Variants in LPP observed in about 807,000 individuals in gnomAD.
LPP encodes the protein LIM domain containing preferred translocation partner in lipoma, also known as lipoma-preferred partner.
LPP carries 38 observed loss-of-function variants against 60.4 expected under a neutral mutation model. That is an observed-to-expected ratio of 0.63 (90% CI 0.49 to 0.83). The LOEUF (loss-of-function observed/expected upper bound fraction) is 0.83, where lower values mean the gene tolerates loss of function less well. Ranked by LOEUF, LPP falls within the 40% of genes least tolerant of loss-of-function variation. LPP has a pLI of 0.00. For missense variants in LPP, 902 were observed against 783.6 expected (o/e 1.15, Z -1.80); for synonymous variants, 328 against 290.8 (o/e 1.13, Z -1.30).
chr3:188,781,339 A>G (rs1469100014), intron 9 of LPP, among the ~76,000 whole-genome samples: 1 of 152,176 alleles, frequency 6.6e-6, no homozygotes, highest in Admixed American at 6.5e-5. Context: ...TACTTTTGTC[A>G]AGGACTGGGA....
chr3:188,810,856 T>C, intron 9 of LPP, among the ~76,000 whole-genome samples: 1 of 152,132 alleles, frequency 6.6e-6, no homozygotes, highest in East Asian at 1.9e-4. Context: ...GAAGCCATAA[T>C]TATTTTCAAT....
At chr3:188,239,872 T>C (rs1723279089) in intron 2 of LPP, 1 of 210,806 alleles carries the variant, frequency 4.7e-6, no homozygotes, top group Non-Finnish European at 9.6e-6. Flanking sequence ...TGGATGGGTA[T>C]TTGCTTTCAT....
chr3:188,460,977 G>A (rs1426258), intron 4 of LPP, among the ~76,000 whole-genome samples: 151,337 of 152,286 alleles, frequency 0.99, 75,205 homozygotes, highest in Middle Eastern at 1. Context: ...GGGAGGAACT[G>A]TTGAAAGAGA....
chr3:188,574,222 A>G (rs973033052), intron 6 of LPP, among the ~76,000 whole-genome samples: 2 of 152,156 alleles, frequency 1.3e-5, no homozygotes, highest in African/African-American at 2.4e-5. Context: ...AAAAACGTAT[A>G]TAATAACCGT....
intron 1 of LPP, among the ~76,000 whole-genome samples, chr3:188,154,528 A>C (rs1287550037): frequency 6.6e-6 from 1 of 151,940 alleles, no homozygotes; most frequent in African/African-American, 2.4e-5. Flanking sequence ...CTGGGCGCCC[A>C]GGGGGCGGGG....
intron 2 of LPP, among the ~76,000 whole-genome samples, chr3:188,237,304 A>G (rs542346131): frequency 6.6e-6 from 1 of 152,282 alleles, no homozygotes; most frequent in South Asian, 2.1e-4. Context: ...TGAACCACTC[A>G]AAGTCACCCA....
intron 1 of LPP, among the ~76,000 whole-genome samples, chr3:188,169,829 C>T (rs1721038922): frequency 1.3e-5 from 2 of 152,298 alleles, no homozygotes; most frequent in African/African-American, 4.8e-5. Flanking sequence ...GACATTCACC[C>T]TAGTAACTAT....
intron 8 of LPP, among the ~76,000 whole-genome samples, chr3:188,731,706 T>C (rs932119128): frequency 6.6e-6 from 1 of 151,936 alleles, no homozygotes; most frequent in East Asian, 1.9e-4. Flanking sequence ...GTATTTTCAG[T>C]AGAGACAGGG....
chr3:188,252,073 T>TACACACAC (rs1491568510), intron 2 of LPP, among the ~76,000 whole-genome samples: 11 of 80,410 alleles, frequency 1.4e-4, no homozygotes, highest in African/African-American at 5.2e-4. Context: ...TATATATATA[T>TACACACAC]ATACACACAC....
intron 5 of LPP, among the ~76,000 whole-genome samples, chr3:188,520,288 C>T (rs1055883920): frequency 1.3e-5 from 2 of 152,218 alleles, no homozygotes; most frequent in African/African-American, 4.8e-5. Context: ...CACCTCGCAT[C>T]TTCCCCTCCC....
chr3:188,698,440 GA>G (rs1216394731), intron 7 of LPP, among the ~76,000 whole-genome samples: 1 of 151,932 alleles, frequency 6.6e-6, no homozygotes, highest in Non-Finnish European at 1.5e-5. Flanking sequence ...TAACATTGTG[GA>G]AATAGGTTCT....
chr3:188,678,916 C>T (rs1472188551), intron 7 of LPP, among the ~76,000 whole-genome samples: 1 of 152,214 alleles, frequency 6.6e-6, no homozygotes, highest in East Asian at 1.9e-4. Context: ...AGAACTGTCT[C>T]CTCACTTGAA....
chr3:188,363,160 TTAAG>T (rs1479021527), intron 3 of LPP, among the ~76,000 whole-genome samples: 10 of 152,278 alleles, frequency 6.6e-5, no homozygotes, highest in Middle Eastern at 3.4e-3. Flanking sequence ...CATCTGAGAA[TTAAG>T]TGTCATTAAG....
intron 9 of LPP, among the ~76,000 whole-genome samples, chr3:188,804,796 A>G (rs1432167738): frequency 6.6e-6 from 1 of 152,020 alleles, no homozygotes; most frequent in African/African-American, 2.4e-5. Context: ...GAAAACATTG[A>G]GTCTTTTGCC....
At chr3:188,566,272 A>G (rs912153621) in intron 6 of LPP, among the ~76,000 whole-genome samples, 1 of 151,960 alleles carries the variant, frequency 6.6e-6, no homozygotes, top group Non-Finnish European at 1.5e-5. Flanking sequence ...CTGGAATATC[A>G]TATCTTGACT....
chr3:188,775,325 A>G (rs1437413739), intron 9 of LPP, among the ~76,000 whole-genome samples: 1 of 152,192 alleles, frequency 6.6e-6, no homozygotes. Flanking sequence ...TGCTGGGATT[A>G]CAGGTGTGAG....
chr3:188,763,291 A>T lies in LPP; in HGVS notation c.1410+3009A>T, dbSNP rs182547397. Among the ~76,000 whole-genome samples, 15 of 151,714 alleles carry T rather than the reference A, an allele frequency of 9.9e-5. No homozygotes were observed. In the East Asian group the frequency reaches 2.9e-3, roughly 29 times the overall value. On this transcript the variant is annotated intron_variant, in intron 9 of 11. Coordinates refer to ENST00000617246, the MANE Select transcript of LPP (RefSeq NM_001375462.1). ...AATTGATGGAATGAGAATATTCAAG[A>T]TAGTGGCTTAATTATTTTTGTATAA...
intron 4 of LPP, among the ~76,000 whole-genome samples, chr3:188,422,708 A>C (rs1454773689): frequency 6.6e-6 from 1 of 152,164 alleles, no homozygotes; most frequent in African/African-American, 2.4e-5. Context: ...CGATCTCTGG[A>C]ATCTCAAATG....
chr3:188,635,156 G>A (rs935290349), intron 7 of LPP, among the ~76,000 whole-genome samples: 7 of 152,130 alleles, frequency 4.6e-5, no homozygotes, highest in Non-Finnish European at 1.0e-4. Context: ...TGTATTTTGT[G>A]TTTGATATTA....
Sources: allele counts gnomAD v4.1 joint callset (sites outside exome capture counted in the v4.1 genomes callset), GRCh38; gene constraint gnomAD v4.1.1; transcripts MANE v1.5; gene names NCBI Gene and HGNC (gene_info 2026-07-23, HGNC 2026-07-21).